The following SOX6 variants were observed in gnomAD, a reference collection of about 807,000 sequenced individuals.
SOX6 encodes the protein SRY-box transcription factor 6.
A neutral mutation model predicts 97.8 loss-of-function variants in SOX6; 11 were observed. The observed-to-expected ratio is 0.11, with a 90% CI of 0.07 to 0.19. The LOEUF (loss-of-function observed/expected upper bound fraction) is 0.19, where lower values mean the gene tolerates loss of function less well. Among genes scored for constraint, SOX6 ranks in the 10% least tolerant of loss-of-function variants. The pLI, the probability that SOX6 is intolerant of heterozygous loss-of-function variation, is 1.00. For missense variants in SOX6, 810 were observed against 1,039.5 expected, an observed-to-expected ratio of 0.78 and a Z score of 3.04; for synonymous variants, 360 against 371.4, an observed-to-expected ratio of 0.97 and a Z score of 0.35.
chr11:16,092,253 TG>T (rs1350233024), intron 9 of SOX6, among the ~76,000 whole-genome samples: 5 of 151,884 alleles, frequency 3.3e-5, no homozygotes, highest in Admixed American at 2.6e-4. Context: ...AAAAGTGTTT[TG>T]GGGGGGACAG....
At chr11:16,472,663 A>G (rs989258831) in intron 1 of SOX6, among the ~76,000 whole-genome samples, 1 of 152,180 alleles carries the variant, frequency 6.6e-6, no homozygotes, top group African/African-American at 2.4e-5. Flanking sequence ...TATATTAAAC[A>G]TGAACATCTA....
chr11:16,470,683 G>C (rs771493875), intron 1 of SOX6, among the ~76,000 whole-genome samples: 6 of 152,050 alleles, frequency 3.9e-5, no homozygotes, highest in Non-Finnish European at 5.9e-5. Context: ...AAACAAAAGA[G>C]AGCTGAAATT....
intron 4 of SOX6, among the ~76,000 whole-genome samples, chr11:16,191,365 G>A (rs1287618443): frequency 6.6e-6 from 1 of 152,102 alleles, no homozygotes; most frequent in Non-Finnish European, 1.5e-5. Context: ...GAAGGCTGAG[G>A]CAGGAGCATT....
At chr11:16,220,214 C>T (rs1852497215) in intron 4 of SOX6, among the ~76,000 whole-genome samples, 1 of 151,838 alleles carries the variant, frequency 6.6e-6, no homozygotes, top group Non-Finnish European at 1.5e-5. Context: ...ATGTGAATAA[C>T]CCATTTTAAC....
At chr11:16,728,681 A>G (rs866431388) in intron 2 of SOX6, among the ~76,000 whole-genome samples, 16 of 152,354 alleles carry the variant, frequency 1.1e-4, no homozygotes, top group African/African-American at 1.7e-4. Flanking sequence ...TCTCCTCCAA[A>G]GGATCACAAC....
At chr11:16,398,812 G>A (rs1424859853) in intron 1 of SOX6, among the ~76,000 whole-genome samples, 1 of 37,902 alleles carries the variant, frequency 2.6e-5, no homozygotes, top group African/African-American at 8.8e-5. Context: ...AAAGATAAAG[G>A]CTATGGAAAA....
chr11:16,728,095 C>T (rs1389389319), intron 2 of SOX6, among the ~76,000 whole-genome samples: 2 of 152,154 alleles, frequency 1.3e-5, no homozygotes, highest in Admixed American at 1.3e-4. Flanking sequence ...CAGTGAGGGG[C>T]TTATAGATAA....
intron 4 of SOX6, among the ~76,000 whole-genome samples, chr11:16,545,082 A>G (rs1428466065): frequency 6.6e-6 from 1 of 152,142 alleles, no homozygotes; most frequent in African/African-American, 2.4e-5. Context: ...ATAGAGAGGA[A>G]GAAAATAATA....
chr11:16,039,365 G>A (rs1855598082), intron 12 of SOX6, among the ~76,000 whole-genome samples: 1 of 152,002 alleles, frequency 6.6e-6, no homozygotes, highest in African/African-American at 2.4e-5. Context: ...AGTGAAAACT[G>A]TTATTAAGGT....
intron 3 of SOX6, chr11:16,311,798 C>T (rs1281280311): frequency 6.6e-6 from 1 of 152,164 alleles, no homozygotes; most frequent in Non-Finnish European, 1.5e-5. Context: ...ATTGTTTAAA[C>T]TATACCATAT....
chr11:16,062,963 A>T (rs974628661), intron 9 of SOX6, among the ~76,000 whole-genome samples: 4 of 151,808 alleles, frequency 2.6e-5, no homozygotes, highest in Non-Finnish European at 4.4e-5. Flanking sequence ...TTAGTATTGA[A>T]GTTAGAAGAA....
chr11:16,043,340 C>A (rs16932486), intron 12 of SOX6, among the ~76,000 whole-genome samples: 1,841 of 152,170 alleles, frequency 0.012, 36 homozygotes, highest in African/African-American at 0.041. Flanking sequence ...TGCACAGAAG[C>A]TATGTTGAAA....
At chr11:16,566,941 T>C (rs1031521516) in intron 4 of SOX6, among the ~76,000 whole-genome samples, 1 of 152,226 alleles carries the variant, frequency 6.6e-6, no homozygotes, top group Admixed American at 6.5e-5. Context: ...CATCAATAGA[T>C]GAATGGATAA....
rs546613254 is a variant in SOX6, at chr11:16,088,963, G to A, written c.1101+7033C>T. On this transcript the variant is annotated intron_variant, in intron 9 of 15. Transcript: ENST00000683767. ...TACCATTCAAGGTCAATAGCTCTAGGGGAATTGCTGACAAGGCATCAAGGA... is the reference window on the plus strand; with the variant it reads ...TACCATTCAAGGTCAATAGCTCTAGAGGAATTGCTGACAAGGCATCAAGGA... Among the ~76,000 whole-genome samples, 18 of 152,180 alleles carry A rather than the reference G, an allele frequency of 1.2e-4. No individual in the cohort carries two copies. In the South Asian group the frequency reaches 2.1e-3, roughly 18 times the overall value.
chr11:16,688,607 C>T (rs1022747522), intron 3 of SOX6, among the ~76,000 whole-genome samples: 48 of 152,140 alleles, frequency 3.2e-4, no homozygotes, highest in African/African-American at 8.4e-4. Context: ...TCATCTCTAA[C>T]GGTTTGATTT....
At chr11:16,282,998 A>G (rs1854609194) in intron 3 of SOX6, among the ~76,000 whole-genome samples, 1 of 137,516 alleles carries the variant, frequency 7.3e-6, no homozygotes, top group South Asian at 2.3e-4. Context: ...AGAGAGAGAA[A>G]GGGAGCCCTA....
chr11:16,655,304 A>G (rs1169136045), intron 3 of SOX6, among the ~76,000 whole-genome samples: 1 of 152,212 alleles, frequency 6.6e-6, no homozygotes, highest in Non-Finnish European at 1.5e-5. Flanking sequence ...AGCTAAATCA[A>G]TCTTCCTAGC....
chr11:16,202,976 C>G (rs1035177491), intron 4 of SOX6, among the ~76,000 whole-genome samples: 6 of 152,086 alleles, frequency 3.9e-5, no homozygotes, highest in Non-Finnish European at 8.8e-5. Context: ...GTGGATGTTT[C>G]AAGCACTGCT....
chr11:16,139,081 C>T (rs537567105), intron 6 of SOX6, among the ~76,000 whole-genome samples: 10 of 152,296 alleles, frequency 6.6e-5, no homozygotes, highest in East Asian at 5.8e-4. Context: ...TCACCAGAAG[C>T]GATGCTGTGC....
Sources: allele counts gnomAD v4.1 joint callset (sites outside exome capture counted in the v4.1 genomes callset), GRCh38; gene constraint gnomAD v4.1.1; transcripts MANE v1.5; gene names NCBI Gene and HGNC (gene_info 2026-07-23, HGNC 2026-07-21).